Variants in EFHC2 observed in about 807,000 individuals in gnomAD.
EFHC2 encodes EF-hand domain-containing family member C2.
Under a neutral mutation model 52.7 loss-of-function variants are expected in EFHC2, and 18 were observed. The observed-to-expected ratio is 0.34, with a 90% CI of 0.24 to 0.51. EFHC2 has a LOEUF of 0.51. Ranked by LOEUF, EFHC2 falls within the 20% of genes least tolerant of loss-of-function variation. EFHC2 has a pLI of 0.97. For synonymous variants in EFHC2, 203 were observed against 204.1 expected (o/e 0.99, Z 0.04); for missense variants, 513 against 562.5 (o/e 0.91, Z 0.89).
chrX:44,191,100 T>C (rs1304227736), intron 11 of EFHC2, among the ~76,000 whole-genome samples: 2 of 112,297 alleles, frequency 1.8e-5, no homozygotes, highest in Non-Finnish European at 3.8e-5. Flanking sequence ...TTTTTTGGTT[T>C]TGAACTGCAA....
intron 11 of EFHC2, among the ~76,000 whole-genome samples, chrX:44,204,225 T>G (rs1188919707): frequency 1.5e-5 from 1 of 68,162 alleles, no homozygotes; most frequent in Admixed American, 1.9e-4. Flanking sequence ...TCTGAAATGG[T>G]AGCAAACCCA....
intron 11 of EFHC2, among the ~76,000 whole-genome samples, chrX:44,193,022 T>A (rs2036934662): frequency 9.0e-6 from 1 of 110,747 alleles, no homozygotes; most frequent in Admixed American, 9.7e-5. Flanking sequence ...CCCTCCTCCC[T>A]TGTGGAATTA....
intron 11 of EFHC2, among the ~76,000 whole-genome samples, chrX:44,186,750 C>T (rs778390766): frequency 9.0e-6 from 1 of 111,416 alleles, no homozygotes; most frequent in East Asian, 2.8e-4. Flanking sequence ...TTTAGTAATT[C>T]AAGACTTACT....
At chrX:44,276,078 T>C (rs751990733) in intron 2 of EFHC2, among the ~76,000 whole-genome samples, 1 of 111,111 alleles carries the variant, frequency 9.0e-6, no homozygotes, top group South Asian at 3.8e-4. Context: ...TGAGGTTACC[T>C]ACCTGATCCT....
At chrX:44,237,413 C>T (rs1162128202) in intron 8 of EFHC2, among the ~76,000 whole-genome samples, 1 of 111,880 alleles carries the variant, frequency 8.9e-6, no homozygotes, top group Non-Finnish European at 1.9e-5. Context: ...CCCAATTTAG[C>T]TCTATATAGA....
intron 3 of EFHC2, among the ~76,000 whole-genome samples, chrX:44,266,176 G>A (rs2037575649): frequency 9.1e-6 from 1 of 110,389 alleles, no homozygotes; most frequent in Non-Finnish European, 1.9e-5. Flanking sequence ...AACTTTTGAG[G>A]TACCATTCAA....
chrX:44,303,027 G>A (rs940280596), intron 2 of EFHC2, among the ~76,000 whole-genome samples: 14 of 111,234 alleles, frequency 1.3e-4, no homozygotes, highest in African/African-American at 3.3e-4. Flanking sequence ...CTGATCATTC[G>A]TTAATCCTAC....
intron 2 of EFHC2, among the ~76,000 whole-genome samples, chrX:44,298,453 C>A (rs148900192): frequency 9.0e-6 from 1 of 111,540 alleles, no homozygotes; most frequent in African/African-American, 3.3e-5. Context: ...AAGGGCTAAA[C>A]GAATTGGGGG....
chrX:44,286,496 G>C (rs1266975931), intron 2 of EFHC2, among the ~76,000 whole-genome samples: 1 of 111,294 alleles, frequency 9.0e-6, no homozygotes, highest in Non-Finnish European at 1.9e-5. Flanking sequence ...TGTTATTAAG[G>C]TTTTTCTTCC....
chrX:44,275,984 G>A (rs1038073367), intron 2 of EFHC2, among the ~76,000 whole-genome samples: 2 of 110,226 alleles, frequency 1.8e-5, no homozygotes, highest in South Asian at 7.7e-4. Context: ...TCTTGAAAAC[G>A]GAATATAAAT....
Position 44,248,828 on chromosome X carries a change from T to C in EFHC2, c.947A>G (p.Asp316Gly). 2 of 1,209,397 alleles carry C rather than the reference T, an allele frequency of 1.7e-6. No individual in the cohort carries two copies. The highest frequency in any genetic ancestry group is 2.2e-6 in the Non-Finnish European group (2 of 894,007). The change falls in exon 6 of 15, where the codon GAT becomes GGT. Residue 316 changes from aspartate (D) to glycine (G), a missense_variant. Coordinates refer to ENST00000420999, the MANE Select transcript of EFHC2 (RefSeq NM_025184.4). Reference protein sequence around the residue: ...SYGDFIKNQADGYLFDRYKLG... With the variant: ...SYGDFIKNQAGGYLFDRYKLG... ...CTTATATCTATCGAACAGGTAGCCA[T>C]CCGCTTGGTTCTTTATAAAGTCACC... is the stretch of plus-strand genomic sequence containing the variant.
rs558703401 is a variant in EFHC2, at chrX:44,291,014, A to G, written c.232-18178T>C. ...GTTCGTTTGGGTATATTCTTTCAGT[A>G]TCATCCCATCTGCACTATATCAGGT... On this transcript the variant is annotated intron_variant, in intron 2 of 14. Coordinates refer to ENST00000420999, the MANE Select transcript of EFHC2 (RefSeq NM_025184.4). 8.4e-4 allele frequency among the ~76,000 whole-genome samples: 94 copies of G among 112,075 alleles called. 3 individuals carry two copies. In the South Asian group the frequency reaches 0.034, roughly 41 times the overall value.
Position 44,295,999 on chromosome X carries a change from A to G in EFHC2, c.231+16569T>C, listed in dbSNP as rs770522110. 2.4e-3 allele frequency among the ~76,000 whole-genome samples: 262 copies of G among 111,239 alleles called. 1 individual carries two copies. Among genetic ancestry groups the G allele is most frequent in the African/African-American group, 8.3e-3 (254 of 30,574 alleles). On this transcript the variant is annotated intron_variant, in intron 2 of 14. Coordinates refer to ENST00000420999, the MANE Select transcript of EFHC2 (RefSeq NM_025184.4). ...GCACATCCACACTTCTCCCCCAAAA[A>G]AGCCTTTTCTCTCTTTTTCGATTCT...
At chrX:44,309,595 T>C (rs2037930683) in intron 2 of EFHC2, 2 of 1,154,062 alleles carry the variant, frequency 1.7e-6, no homozygotes, top group Non-Finnish European at 1.2e-6. Flanking sequence ...CTGAACAGCA[T>C]TGATAATTAT....
intron 10 of EFHC2, among the ~76,000 whole-genome samples, chrX:44,230,819 T>G (rs1341878592): frequency 1.8e-5 from 2 of 111,684 alleles, no homozygotes; most frequent in Non-Finnish European, 1.9e-5. Context: ...ATAGCAACAC[T>G]GATTGAGCTT....
chrX:44,182,567 G>A (rs187472513), intron 11 of EFHC2, among the ~76,000 whole-genome samples: 3 of 112,093 alleles, frequency 2.7e-5, no homozygotes, highest in East Asian at 2.8e-4. Context: ...AAAAACATAG[G>A]TACAACTTCC....
At chrX:44,148,918 A>C (rs1301714048) in intron 14 of EFHC2, 22 bp from the exon 15 acceptor site, 2 of 1,120,563 alleles carry the variant, frequency 1.8e-6, no homozygotes, top group African/African-American at 3.6e-5. Context: ...CCAAAAATGG[A>C]TATGATTAGA....
chrX:44,211,780 G>A (rs1225442695), intron 11 of EFHC2, among the ~76,000 whole-genome samples: 1 of 101,323 alleles, frequency 9.9e-6, no homozygotes, highest in South Asian at 5.0e-4. Flanking sequence ...GCTGAGGTAC[G>A]AGAACGGCGT....
chrX:44,175,685 G>C, intron 13 of EFHC2, among the ~76,000 whole-genome samples: 1 of 111,539 alleles, frequency 9.0e-6, no homozygotes, highest in Admixed American at 9.6e-5. Flanking sequence ...GAAAATGTCA[G>C]AATTATCAAG....
Sources: gnomAD v4.1 joint callset for allele counts (sites outside exome capture counted in the v4.1 genomes callset) on GRCh38, gnomAD v4.1.1 for gene constraint, MANE v1.5 for transcripts, NCBI Gene and HGNC (gene_info 2026-07-23, HGNC 2026-07-21) for gene names.